The following KCNH1 variants were observed in gnomAD, a reference collection of about 807,000 sequenced individuals.
KCNH1 encodes potassium voltage-gated channel subfamily H member 1.
Under a neutral mutation model 69.2 loss-of-function variants are expected in KCNH1, and 27 were observed. The observed-to-expected ratio is 0.39, with a 90% confidence interval of 0.29 to 0.54. KCNH1 has a LOEUF of 0.54. Ranked by LOEUF, KCNH1 falls within the 20% of genes least tolerant of loss-of-function variation. KCNH1 has a pLI of 0.68. For missense variants in KCNH1, 798 were observed against 1,261.6 expected, an observed-to-expected ratio of 0.63 and a Z score of 5.57; for synonymous variants, 456 against 487.7, an observed-to-expected ratio of 0.93 and a Z score of 0.86.
intron 6 of KCNH1, among the ~76,000 whole-genome samples, chr1:211,006,869 T>C (rs1237491371): frequency 6.6e-6 from 1 of 152,098 alleles, no homozygotes; most frequent in African/African-American, 2.4e-5. Context: ...GGAAAATCTA[T>C]TGTTGAGATA....
At chr1:210,750,023 G>A (rs1253217409) in intron 10 of KCNH1, among the ~76,000 whole-genome samples, 3 of 152,176 alleles carry the variant, frequency 2.0e-5, no homozygotes, top group Admixed American at 6.5e-5. Context: ...GATTACAGGC[G>A]TGAGCCGCCG....
chr1:210,820,383 C>T lies in KCNH1; in HGVS notation c.1463-16217G>A, dbSNP rs149727614. 4.3e-3 allele frequency among the ~76,000 whole-genome samples: 661 copies of T among 152,142 alleles called. 4 individuals are homozygous for T. Among genetic ancestry groups the T allele is most frequent in the African/African-American group, 0.015 (611 of 41,496 alleles). ...GGGTGCGGTGGGTCATGTCTGTAATCCCAGCACTTTGGGAGGCTGAGGCGG... is the reference window on the plus strand; with the variant it reads ...GGGTGCGGTGGGTCATGTCTGTAATTCCAGCACTTTGGGAGGCTGAGGCGG... On this transcript the variant is annotated intron_variant, in intron 7 of 10. Transcript: ENST00000271751.
intron 9 of KCNH1, among the ~76,000 whole-genome samples, chr1:210,796,629 A>G (rs1374528100): frequency 6.6e-6 from 1 of 152,108 alleles, no homozygotes; most frequent in Non-Finnish European, 1.5e-5. Flanking sequence ...TCCATGTGAG[A>G]AAACCTATAG....
chr1:210,941,472 A>G (rs1310213575), intron 6 of KCNH1, among the ~76,000 whole-genome samples: 1 of 152,146 alleles, frequency 6.6e-6, no homozygotes, highest in East Asian at 1.9e-4. Context: ...GAGTTTGGGG[A>G]GCCTGGTATG....
chr1:211,018,097 C>A (rs567504485), intron 6 of KCNH1, among the ~76,000 whole-genome samples: 80 of 152,212 alleles, frequency 5.3e-4, no homozygotes, highest in South Asian at 2.9e-3. Flanking sequence ...CTGGCTCCCC[C>A]CTTCACCTTC....
intron 10 of KCNH1, among the ~76,000 whole-genome samples, chr1:210,700,609 A>G (rs1426835808): frequency 6.6e-6 from 1 of 152,204 alleles, no homozygotes; most frequent in East Asian, 1.9e-4. Flanking sequence ...GTGGAAAAAA[A>G]TCTTTTCCTA....
chr1:211,127,495 T>C (rs2102502874), intron 1 of KCNH1, among the ~76,000 whole-genome samples: 1 of 151,474 alleles, frequency 6.6e-6, no homozygotes, highest in South Asian at 2.1e-4. Flanking sequence ...ACTGTACAAG[T>C]CTTTCGCATC....
At chr1:210,795,614 C>G (rs771442124) in intron 9 of KCNH1, among the ~76,000 whole-genome samples, 2 of 152,178 alleles carry the variant, frequency 1.3e-5, no homozygotes, top group Non-Finnish European at 2.9e-5. Flanking sequence ...CAAAGTCAAG[C>G]AGGAATAAAG....
chr1:210,772,620 A>G (rs986853852), intron 10 of KCNH1, among the ~76,000 whole-genome samples: 9 of 152,158 alleles, frequency 5.9e-5, no homozygotes, highest in Non-Finnish European at 2.9e-5. Flanking sequence ...GTTAGAAGAA[A>G]ATTTGAAGGT....
In KCNH1 at chr1:211,004,718, G is replaced by C. The variant is rs1193197209; in HGVS notation, c.1032+14065C>G. ...AATTAAAGACAAGTGTGTCAGAGTG[G>C]ATTTAAAAAATAGGCTTCTTAGAAG... is the stretch of plus-strand genomic sequence containing the variant. On this transcript the variant is annotated intron_variant, in intron 6 of 10. Transcript: ENST00000271751. Among the ~76,000 whole-genome samples, 4 of 152,028 alleles carry C rather than the reference G, an allele frequency of 2.6e-5. No homozygotes were observed. In the East Asian group the frequency reaches 7.7e-4, roughly 29 times the overall value.
intron 9 of KCNH1, among the ~76,000 whole-genome samples, chr1:210,781,940 T>C (rs1370112793): frequency 6.6e-6 from 1 of 152,206 alleles, no homozygotes; most frequent in Non-Finnish European, 1.5e-5. Flanking sequence ...ACTGGGAGTC[T>C]TGGAGTCCCT....
At chr1:210,864,095 C>T (rs1686050183) in intron 7 of KCNH1, among the ~76,000 whole-genome samples, 1 of 152,198 alleles carries the variant, frequency 6.6e-6, no homozygotes, top group Admixed American at 6.5e-5. Context: ...AGGAAACATG[C>T]AGAGGGTTTG....
chr1:210,695,245 T>G (rs1474544543), intron 10 of KCNH1, among the ~76,000 whole-genome samples: 1 of 152,210 alleles, frequency 6.6e-6, no homozygotes, highest in Non-Finnish European at 1.5e-5. Flanking sequence ...TTATCCAGCT[T>G]AGTCATGACA....
rs185506915 is a variant in KCNH1, at chr1:210,729,384, C to A, written c.2113-45246G>T. On this transcript the variant is annotated intron_variant, in intron 10 of 10. Transcript: ENST00000271751. Reference sequence around the variant, plus strand: ...AGGGAAGCTTCTGGTAGAAATACCCCAAGTCTAACTTTCAATACTTACGGC... The same window carrying A: ...AGGGAAGCTTCTGGTAGAAATACCCAAAGTCTAACTTTCAATACTTACGGC... Among the ~76,000 whole-genome samples, 4 of 152,284 alleles carry A rather than the reference C, an allele frequency of 2.6e-5. No individual in the cohort carries two copies. The East Asian group carries it at 5.8e-4, about 22-fold the overall frequency.
intron 10 of KCNH1, among the ~76,000 whole-genome samples, chr1:210,747,007 G>A (rs762884069): frequency 6.6e-6 from 1 of 152,086 alleles, no homozygotes; most frequent in South Asian, 2.1e-4. Flanking sequence ...AGAGTAGACC[G>A]TTCATTACCA....
At chr1:210,956,077 A>G (rs1168201290) in intron 6 of KCNH1, among the ~76,000 whole-genome samples, 3 of 152,190 alleles carry the variant, frequency 2.0e-5, no homozygotes, top group Admixed American at 2.0e-4. Flanking sequence ...GATACGTCCC[A>G]TCAGTACCTA....
intron 5 of KCNH1, among the ~76,000 whole-genome samples, chr1:211,023,774 T>TAA (rs1689632265): frequency 6.6e-6 from 1 of 152,168 alleles, no homozygotes; most frequent in Non-Finnish European, 1.5e-5. Context: ...TTTGATTATA[T>TAA]AAATTTATCA....
chr1:210,767,375 G>T (rs1311273627), intron 10 of KCNH1, among the ~76,000 whole-genome samples: 1 of 152,182 alleles, frequency 6.6e-6, no homozygotes, highest in Non-Finnish European at 1.5e-5. Context: ...CTCTGTTTGG[G>T]ATTTTACTGA....
At chr1:210,854,022 A>G (rs1473825025) in intron 7 of KCNH1, among the ~76,000 whole-genome samples, 1 of 148,216 alleles carries the variant, frequency 6.7e-6, no homozygotes, top group Admixed American at 6.8e-5. Flanking sequence ...GAGTTTTGTC[A>G]CATAAATGAA....
Sources: gnomAD v4.1 joint callset for allele counts (sites outside exome capture counted in the v4.1 genomes callset) on GRCh38, gnomAD v4.1.1 for gene constraint, MANE v1.5 for transcripts, NCBI Gene and HGNC (gene_info 2026-07-23, HGNC 2026-07-21) for gene names.